Variants in NAA16 observed in about 807,000 individuals in gnomAD.
NAA16 encodes N-alpha-acetyltransferase 16, NatA auxiliary subunit.
In NAA16, 97 loss-of-function variants were observed where a neutral mutation model predicts 110.3. The observed-to-expected ratio is 0.88, with a 90% CI of 0.75 to 1.04. NAA16 has a LOEUF of 1.04. Among genes scored for constraint, NAA16 ranks in the 50% least tolerant of loss-of-function variants. The probability of loss-of-function intolerance (pLI) is 0.00; values close to 1 mark genes in which losing one functional copy is unlikely to be tolerated. For missense variants in NAA16, 1,017 were observed against 1,005.1 expected (o/e 1.01, Z -0.16); for synonymous variants, 372 against 330.6 (o/e 1.13, Z -1.36).
intron 10 of NAA16, among the ~76,000 whole-genome samples, chr13:41,356,179 G>A (rs1360832410): frequency 2.0e-5 from 3 of 150,062 alleles, no homozygotes. Context: ...GTGCATACGC[G>A]CGCACACGCG....
chr13:41,348,043 G>A lies in NAA16; in HGVS notation c.1015-7101G>A, dbSNP rs114551142. Among the ~76,000 whole-genome samples the A allele has an allele frequency of 3.6e-3, 547 of 152,142 alleles. 1 individual carries two copies. Among genetic ancestry groups the A allele is most frequent in the African/African-American group, 0.012 (492 of 41,520 alleles). On this transcript the variant is annotated intron_variant, in intron 9 of 19. Coordinates refer to ENST00000379406, the MANE Select transcript of NAA16 (RefSeq NM_024561.5). ...CTAGTTTATTGTGCATTTTTATCAC[G>A]AAAGTCTGTTACTGAGTTCTGTCAC...
At chr13:41,324,784 G>A (rs1354482139) in intron 5 of NAA16, among the ~76,000 whole-genome samples, 2 of 151,434 alleles carry the variant, frequency 1.3e-5, no homozygotes, top group Admixed American at 6.6e-5. Flanking sequence ...CTTAGGCTAC[G>A]ACTAGGACTT....
chr13:41,368,307 G>T (rs1449967793), intron 14 of NAA16, among the ~76,000 whole-genome samples: 1 of 152,102 alleles, frequency 6.6e-6, no homozygotes, highest in Non-Finnish European at 1.5e-5. Flanking sequence ...GATATTCCTA[G>T]GTAGCTGTTC....
Position 41,355,220 on chromosome 13 carries a change from A to C in NAA16, c.1087+4A>C. 6.6e-7 allele frequency: 1 copy of C among 1,513,646 alleles called. No individual in the cohort carries two copies. Among genetic ancestry groups the C allele is most frequent in the Non-Finnish European group, 9.0e-7 (1 of 1,109,340 alleles). 93.8% of individuals were successfully genotyped at this position (1,513,646 alleles called of 1,614,324 possible). On this transcript the variant is annotated splice_donor_region_variant and intron_variant, in intron 10 of 19. Transcript: ENST00000379406. Reference sequence around the variant, plus strand: ...TGTGACTTTTTTAGCCCATATGGTAAGTTTAAATTAGATTGAATTGGAATT... The same window carrying C: ...TGTGACTTTTTTAGCCCATATGGTACGTTTAAATTAGATTGAATTGGAATT...
chr13:41,372,919 A>T, intron 17 of NAA16, 89 bp downstream of exon 17: 1 of 1,268,856 alleles, frequency 7.9e-7, no homozygotes, highest in Admixed American at 3.5e-5. Flanking sequence ...ATAAATATTT[A>T]ATAACCCTCT....
At chr13:41,323,347 C>G (rs1404925215) in intron 5 of NAA16, among the ~76,000 whole-genome samples, 157 bp downstream of exon 5, 1 of 150,718 alleles carries the variant, frequency 6.6e-6, no homozygotes, top group Non-Finnish European at 1.5e-5. Flanking sequence ...GATTATTTTT[C>G]TCTCTCTTTT....
intron 5 of NAA16, among the ~76,000 whole-genome samples, chr13:41,324,520 C>T (rs1403847650): frequency 1.3e-5 from 2 of 151,310 alleles, no homozygotes; most frequent in South Asian, 4.2e-4. Context: ...GGATTACAGG[C>T]CCCCACCACT....
rs538871686 is a variant in NAA16 at position 41,374,883 on chromosome 13, T to C, written c.2397+44T>C. On this transcript the variant is annotated intron_variant, in intron 19 of 19. Coordinates refer to ENST00000379406, the MANE Select transcript of NAA16 (RefSeq NM_024561.5). ...GCTGATTTATGCTTACACAGTGATC[T>C]AACAAAACGTGTCTTTACAGCATAA... The C allele has an allele frequency of 1.5e-5, 17 of 1,161,896 alleles. No homozygotes were observed. In the African/African-American group the frequency reaches 2.6e-4, roughly 18 times the overall value. The allele number at this position is 1,161,896 out of a possible 1,614,324, so 72.0% of individuals were successfully genotyped here.
At chr13:41,361,153 A>C (rs985098450) in intron 12 of NAA16, among the ~76,000 whole-genome samples, 16 of 152,190 alleles carry the variant, frequency 1.1e-4, no homozygotes, top group Admixed American at 6.5e-5. Flanking sequence ...CTTGCACTTA[A>C]AATTCGTTAA....
At chr13:41,372,382 C>G in intron 16 of NAA16, 71 bp downstream of exon 16, 2 of 1,450,938 alleles carry the variant, frequency 1.4e-6, no homozygotes, top group Non-Finnish European at 1.8e-6. Flanking sequence ...TAATCTTTGT[C>G]AGATCTATTT....
chr13:41,323,137 A>G lies in NAA16; in HGVS notation c.484A>G (p.Lys162Glu). The part of the protein sequence containing the change: ...IGYAIAYHLL[K>E]DYDMALKLLE... ...ATATGCTATTGCATACCATTTGCTGAAAGATTATGATATGGCCCTAAAACT... is the reference window on the plus strand; with the variant it reads ...ATATGCTATTGCATACCATTTGCTGGAAGATTATGATATGGCCCTAAAACT... The change falls in exon 5 of 20, where the codon AAA (lysine) becomes GAA (glutamate). Residue 162 changes from lysine to glutamate, a missense_variant. Coordinates refer to ENST00000379406, the MANE Select transcript of NAA16 (RefSeq NM_024561.5). 1 of 1,614,072 alleles carries G rather than the reference A, an allele frequency of 6.2e-7. No homozygotes were observed. Among genetic ancestry groups the G allele is most frequent in the Non-Finnish European group, 8.5e-7 (1 of 1,179,926 alleles).
intron 9 of NAA16, among the ~76,000 whole-genome samples, chr13:41,337,560 T>A (rs1409619455): frequency 1.5e-5 from 2 of 132,894 alleles, no homozygotes; most frequent in African/African-American, 2.8e-5. Context: ...AAAAAAAAAA[T>A]TTCGAAAATA....
Position 41,316,940 on chromosome 13 carries a change from C to A in NAA16, c.139+10C>A. On this transcript the variant is annotated intron_variant, in intron 2 of 19. Coordinates refer to ENST00000379406, the MANE Select transcript of NAA16 (RefSeq NM_024561.5). ...TTTGCTGAACATGGAGGTATTGTCT[C>A]ATGTGAGAGATTGCTTTAGGGAAAT... is the stretch of plus-strand genomic sequence containing the variant. 6.3e-7 allele frequency: 1 copy of A among 1,585,622 alleles called. No individual in the cohort carries two copies. The highest frequency in any genetic ancestry group is 8.7e-7 in the Non-Finnish European group (1 of 1,154,258).
intron 2 of NAA16, among the ~76,000 whole-genome samples, chr13:41,317,640 G>C (rs1290153496): frequency 6.6e-6 from 1 of 152,168 alleles, no homozygotes; most frequent in African/African-American, 2.4e-5. Context: ...AAGATTCTTT[G>C]AAGGAAATGG....
chr13:41,331,444 G>T, intron 8 of NAA16, 75 bp downstream of exon 8: 1 of 1,104,188 alleles, frequency 9.1e-7, no homozygotes, highest in Non-Finnish European at 1.3e-6. Flanking sequence ...TTAGAAACGT[G>T]TTTCTGGTAT....
At chr13:41,317,276 C>T (rs559975701) in intron 2 of NAA16, among the ~76,000 whole-genome samples, 2 of 151,864 alleles carry the variant, frequency 1.3e-5, no homozygotes, top group South Asian at 2.1e-4. Context: ...ACAAAATTTG[C>T]AATATAGAAG....
intron 15 of NAA16, 78 bp from the exon 16 acceptor site, chr13:41,372,125 A>G: frequency 8.6e-7 from 1 of 1,168,628 alleles, no homozygotes; most frequent in South Asian, 2.1e-5. Flanking sequence ...CTTTAGACAT[A>G]TGTTAATATA....
At chr13:41,320,615 A>G in intron 3 of NAA16, 52 bp from the exon 4 acceptor site, 2 of 1,455,904 alleles carry the variant, frequency 1.4e-6, no homozygotes, top group African/African-American at 2.9e-5. Flanking sequence ...TTAGATATGT[A>G]TCATAGAATA....
chr13:41,340,888 C>G (rs1314447067), intron 9 of NAA16, among the ~76,000 whole-genome samples: 1 of 151,814 alleles, frequency 6.6e-6, no homozygotes, highest in Non-Finnish European at 1.5e-5. Flanking sequence ...ACCGTGGTCT[C>G]GATCTCCTGA....
Sources: gnomAD v4.1 joint callset for allele counts (sites outside exome capture counted in the v4.1 genomes callset) on GRCh38, gnomAD v4.1.1 for gene constraint, MANE v1.5 for transcripts, NCBI Gene and HGNC (gene_info 2026-07-23, HGNC 2026-07-21) for gene names.